Variants in GRID1 observed in about 807,000 individuals in gnomAD.
GRID1 encodes the protein glutamate ionotropic receptor delta type subunit 1, also known as glutamate receptor ionotropic, delta-1.
Under a neutral mutation model 98.0 loss-of-function variants are expected in GRID1, and 28 were observed. The ratio of observed to expected loss-of-function variants is 0.29; its 90% CI spans 0.21 to 0.39. GRID1 has a LOEUF of 0.39. GRID1 is among the 10% of genes least tolerant of loss of function. The pLI, the probability that GRID1 is intolerant of heterozygous loss-of-function variation, is 1.00. For missense variants in GRID1, 1,111 were observed against 1,340.5 expected, an observed-to-expected ratio of 0.83 and a Z score of 2.67; for synonymous variants, 553 against 538.5, an observed-to-expected ratio of 1.03 and a Z score of -0.37.
chr10:86,047,716 C>G (rs1393166590), intron 4 of GRID1, among the ~76,000 whole-genome samples: 1 of 151,908 alleles, frequency 6.6e-6, no homozygotes, highest in South Asian at 2.1e-4. Context: ...CATGGTGCAG[C>G]AGAAGCACTC....
chr10:86,003,979 A>G (rs1305559083), intron 4 of GRID1, among the ~76,000 whole-genome samples: 1 of 152,024 alleles, frequency 6.6e-6, no homozygotes, highest in Non-Finnish European at 1.5e-5. Context: ...AACATTAGAA[A>G]CTCCCCAATG....
intron 8 of GRID1, among the ~76,000 whole-genome samples, chr10:85,823,552 A>C (rs930615101): frequency 6.6e-6 from 1 of 152,084 alleles, no homozygotes; most frequent in African/African-American, 2.4e-5. Context: ...GAGAGAAGAG[A>C]GGGAATTCAC....
intron 4 of GRID1, among the ~76,000 whole-genome samples, chr10:86,023,019 T>C (rs1843070305): frequency 6.6e-6 from 1 of 151,832 alleles, no homozygotes; most frequent in South Asian, 2.1e-4. Context: ...GGCCACAGGA[T>C]ATTGTAATCA....
At chr10:86,338,821 G>A (rs1848268083) in intron 2 of GRID1, among the ~76,000 whole-genome samples, 1 of 152,166 alleles carries the variant, frequency 6.6e-6, no homozygotes, top group Non-Finnish European at 1.5e-5. Context: ...GCCTCCCAAA[G>A]TGCTAGGATT....
chr10:86,055,511 G>A (rs1325030345), intron 4 of GRID1, among the ~76,000 whole-genome samples: 1 of 152,136 alleles, frequency 6.6e-6, no homozygotes, highest in African/African-American at 2.4e-5. Context: ...GGGAGGCTGA[G>A]GCAGGTGGAC....
chr10:85,635,920 C>A (rs891351793), intron 13 of GRID1, among the ~76,000 whole-genome samples: 2 of 152,174 alleles, frequency 1.3e-5, no homozygotes, highest in Non-Finnish European at 2.9e-5. Context: ...CAGACTGTCA[C>A]GGGGTAACGA....
At chr10:86,067,414 C>A (rs192459323) in intron 4 of GRID1, among the ~76,000 whole-genome samples, 1 of 152,232 alleles carries the variant, frequency 6.6e-6, no homozygotes, top group African/African-American at 2.4e-5. Flanking sequence ...CAAGGGACTG[C>A]GTAAGTAAAG....
At chr10:86,337,366 C>T (rs1179262985) in intron 2 of GRID1, among the ~76,000 whole-genome samples, 1 of 152,212 alleles carries the variant, frequency 6.6e-6, no homozygotes, top group Non-Finnish European at 1.5e-5. Flanking sequence ...ACTTTGTGCG[C>T]TCAGGAGTCT....
chr10:85,967,223 T>C (rs1260574204), intron 4 of GRID1, among the ~76,000 whole-genome samples: 2 of 152,202 alleles, frequency 1.3e-5, no homozygotes, highest in African/African-American at 4.8e-5. Context: ...GGTATGTCTT[T>C]ATTGCAGCAT....
At chr10:86,294,529 C>A (rs1350505298) in intron 2 of GRID1, among the ~76,000 whole-genome samples, 1 of 152,072 alleles carries the variant, frequency 6.6e-6, no homozygotes, top group Non-Finnish European at 1.5e-5. Flanking sequence ...AGGGTGGGCT[C>A]CTGGGGATGG....
At chr10:86,330,102 G>A (rs1339875369) in intron 2 of GRID1, among the ~76,000 whole-genome samples, 1 of 152,090 alleles carries the variant, frequency 6.6e-6, no homozygotes, top group Admixed American at 6.5e-5. Flanking sequence ...CTGTATCATG[G>A]ACGAGACCGT....
At position 85,761,534 on chromosome 10, in the gene GRID1, G is replaced by T. The variant is rs569932776; in HGVS notation, c.1234-31920C>A. On this transcript the variant is annotated intron_variant, in intron 8 of 15. Coordinates refer to ENST00000327946, the MANE Select transcript of GRID1 (RefSeq NM_017551.3). ...GCAGAGGTAACAGGCATACAAATTA[G>T]CAATTACACCGTTGTGCTGTGCAAG... 7.2e-5 allele frequency among the ~76,000 whole-genome samples: 11 copies of T among 152,318 alleles called. No homozygotes were observed. In the South Asian group the frequency reaches 1.9e-3, roughly 26 times the overall value.
rs1400345746 is a variant in GRID1, at chr10:86,192,588, T to A, written c.520+13776A>T. On this transcript the variant is annotated intron_variant, in intron 3 of 15. Coordinates refer to ENST00000327946, the MANE Select transcript of GRID1 (RefSeq NM_017551.3). The surrounding 1 kb of genome is among the most constrained non-coding windows in gnomAD (Gnocchi z 4.8). ...AGTACAGAGTTTCGGTTTGGGAAGA[T>A]GAGAACCTTCTGGAGATGAACGGTA... 6.7e-6 allele frequency among the ~76,000 whole-genome samples: 1 copy of A among 150,034 alleles called. No homozygotes were observed. The highest frequency in any genetic ancestry group is 1.9e-4 in the East Asian group (1 of 5,184).
chr10:85,818,757 G>A (rs894785576), intron 8 of GRID1, among the ~76,000 whole-genome samples: 10 of 151,438 alleles, frequency 6.6e-5, no homozygotes, highest in East Asian at 1.9e-4. Context: ...TCATTTTGTC[G>A]CCCAGGCTGG....
At chr10:85,770,383 A>G (rs899358204) in intron 8 of GRID1, among the ~76,000 whole-genome samples, 3 of 152,240 alleles carry the variant, frequency 2.0e-5, no homozygotes, top group African/African-American at 4.8e-5. Context: ...GGGAAAAAAA[A>G]GAGCAGAAAA....
rs1169508697 is a variant in GRID1 at position 86,221,368 on chromosome 10, C to G, written c.236-14720G>C. Among the ~76,000 whole-genome samples the G allele has an allele frequency of 2.0e-5, 3 of 152,338 alleles. No individual in the cohort carries two copies. The East Asian group carries it at 5.8e-4, about 29-fold the overall frequency. ...CAGATTGGGAGCCACGTTCTCCCAGCAGGTTATCAAATTGCCTCCCGGAAA... is the reference window on the plus strand; with the variant it reads ...CAGATTGGGAGCCACGTTCTCCCAGGAGGTTATCAAATTGCCTCCCGGAAA... On this transcript the variant is annotated intron_variant, in intron 2 of 15. Coordinates refer to ENST00000327946, the MANE Select transcript of GRID1 (RefSeq NM_017551.3).
At chr10:85,859,473 G>A (rs922693195) in intron 6 of GRID1, among the ~76,000 whole-genome samples, 2 of 151,972 alleles carry the variant, frequency 1.3e-5, no homozygotes, top group Non-Finnish European at 2.9e-5. Flanking sequence ...TTTCTCAGAA[G>A]GCATACACTA....
chr10:85,939,734 C>T (rs1005899581), intron 4 of GRID1, among the ~76,000 whole-genome samples: 15 of 152,084 alleles, frequency 9.9e-5, no homozygotes, highest in African/African-American at 2.9e-4. Context: ...AATTTTCTTT[C>T]GTCCTGTAAC....
rs34064996 is a variant in GRID1, at chr10:86,016,146, CT to C, written c.727-99908del. Among the ~76,000 whole-genome samples the C allele has an allele frequency of 6.2e-3, 816 of 132,410 alleles. 2 individuals carry two copies. The highest frequency in any genetic ancestry group is 7.2e-3 in the Non-Finnish European group (440 of 61,064). The allele number at this position is 132,410 out of a possible 152,430, so 86.9% of individuals were successfully genotyped here. A position where few individuals can be genotyped will look rare whatever the true frequency, so the allele number is the denominator to read the frequency against. ...TCAGACTGACCCCAAAGAGCACCAT[CT>C]TTTTTTTTTTTTTTTTTGAAACAGA... is the stretch of plus-strand genomic sequence containing the variant. On this transcript the variant is annotated intron_variant, in intron 4 of 15. Transcript: ENST00000327946.
Sources: gnomAD v4.1 joint callset for allele counts (sites outside exome capture counted in the v4.1 genomes callset) on GRCh38, gnomAD v4.1.1 for gene constraint, Gnocchi (gnomAD v3.1) non-coding constraint, MANE v1.5 for transcripts, NCBI Gene and HGNC (gene_info 2026-07-23, HGNC 2026-07-21) for gene names.